The following TRRAP variants were observed in gnomAD, a reference collection of about 807,000 sequenced individuals.
The protein encoded by TRRAP is transformation/transcription domain associated protein, also known as transformation/transcription domain-associated protein.
Under a neutral mutation model 438.8 loss-of-function variants are expected in TRRAP, and 41 were observed. That is an observed-to-expected ratio of 0.09 (90% confidence interval 0.07 to 0.12). The LOEUF is 0.12. Among genes scored for constraint, TRRAP ranks in the 10% least tolerant of loss-of-function variants. The probability of loss-of-function intolerance (pLI) is 1.00; values close to 1 mark genes in which losing one functional copy is unlikely to be tolerated. For missense variants in TRRAP, 3,122 were observed against 5,055.1 expected, an observed-to-expected ratio of 0.62 and a Z score of 11.60; for synonymous variants, 1,994 against 1,962.9, an observed-to-expected ratio of 1.02 and a Z score of -0.42.
At chr7:98,989,754 T>C (rs1003249603) in intron 63 of TRRAP, among the ~76,000 whole-genome samples, 9 of 152,242 alleles carry the variant, frequency 5.9e-5, no homozygotes, top group African/African-American at 1.9e-4. Context: ...GCCTGTGGCC[T>C]ACCTGTTGCC....
intron 62 of TRRAP, among the ~76,000 whole-genome samples, chr7:98,987,498 C>G (rs1793203732): frequency 6.6e-6 from 1 of 152,182 alleles, no homozygotes; most frequent in Non-Finnish European, 1.5e-5. Context: ...TCACATTGCT[C>G]ATTGCTAACA....
At chr7:98,917,994 C>T (rs1789591216) in intron 20 of TRRAP, among the ~76,000 whole-genome samples, 1 of 151,784 alleles carries the variant, frequency 6.6e-6, no homozygotes. Context: ...TGGTGGCCGA[C>T]ACCTGTAATC....
Position 98,881,134 on chromosome 7 carries a change from ACCAG to A in TRRAP, c.-14_-11del. On this transcript the variant is annotated 5_prime_UTR_variant, in exon 2 of 73. Transcript: ENST00000456197. Reference sequence around the variant, plus strand: ...CTGATACTTTTCTCTTGAGAAGCAAACCAGCCCAAAAGAAAAATGGCGTTTGTTG... The same window carrying A: ...CTGATACTTTTCTCTTGAGAAGCAAACCCAAAAGAAAAATGGCGTTTGTTG... The A allele has an allele frequency of 1.3e-6, 2 of 1,599,974 alleles. No individual in the cohort carries two copies. The highest frequency in any genetic ancestry group is 2.7e-5 in the African/African-American group (2 of 74,430).
chr7:98,949,476 C>G lies in TRRAP; in HGVS notation c.4848C>G (p.Asn1616Lys), dbSNP rs1554417651. Residue 1616 changes from asparagine to lysine, a missense_variant, in exon 36 of 73, where the codon AAC becomes AAG. By Grantham distance (94) the Asn-to-Lys change is moderately conservative (BLOSUM62 0). Around this residue, in one of 24 missense-constraint regions of TRRAP, gnomAD observed 272 missense variants for 348.5 expected, o/e 0.78. Transcript: ENST00000456197. ...PLRDVLAANP[N>K]RFITLLLPGG... ...GGGATGTGCTGGCTGCCAACCCCAA[C>G]AGGTTCATCACCCTGCTGCTGCCGG... is the stretch of plus-strand genomic sequence containing the variant. 6.2e-7 allele frequency: 1 copy of G among 1,610,166 alleles called. No individual in the cohort carries two copies. Among genetic ancestry groups the G allele is most frequent in the South Asian group, 1.1e-5 (1 of 90,610 alleles).
Position 99,012,450 on chromosome 7 carries a change from C to T in TRRAP, c.*95C>T. 6 of 1,381,014 alleles carry T rather than the reference C, an allele frequency of 4.3e-6. No homozygotes were observed. Among genetic ancestry groups the T allele is most frequent in the South Asian group, 3.0e-5 (2 of 67,488 alleles). 85.5% of individuals were successfully genotyped at this position (1,381,014 alleles called of 1,614,324 possible). A position where few individuals can be genotyped will look rare whatever the true frequency, so the allele number is the denominator to read the frequency against. On this transcript the variant is annotated 3_prime_UTR_variant, in exon 73 of 73. Transcript: ENST00000456197. The surrounding 1 kb of genome is among the most constrained non-coding windows in gnomAD (Gnocchi z 5.9). ...CTCCCTGCCTCGTTCCTTATATTCACAGAAGCCCCATAGTTTCACTGGGTT... is the reference window on the plus strand; with the variant it reads ...CTCCCTGCCTCGTTCCTTATATTCATAGAAGCCCCATAGTTTCACTGGGTT...
intron 12 of TRRAP, 82 bp downstream of exon 12, chr7:98,903,599 T>C: frequency 1.9e-6 from 3 of 1,572,116 alleles, no homozygotes; most frequent in Non-Finnish European, 2.6e-6. Flanking sequence ...TCCATAGTTG[T>C]GCTGTGAGGT....
Position 98,953,146 on chromosome 7 carries a change from C to T in TRRAP, c.5464-21C>T, listed in dbSNP as rs545530045. On this transcript the variant is annotated intron_variant, in intron 39 of 72. Transcript: ENST00000456197. ...CCCAGTTCACAACTGGAAATGAGTC[C>T]TTCCTGCTGTCCCTGCACAGGTCCT... is the stretch of plus-strand genomic sequence containing the variant. 49 of 1,605,032 alleles carry T rather than the reference C, an allele frequency of 3.1e-5. 1 individual carries two copies. In the South Asian group the frequency reaches 5.2e-4, roughly 17 times the overall value.
In TRRAP at chr7:98,880,260, TTG is replaced by T. The variant is rs782488133; in HGVS notation, c.-61-828_-61-827del. Among the ~76,000 whole-genome samples the T allele has an allele frequency of 2.7e-3, 155 of 57,074 alleles. 1 individual carries two copies. The highest frequency in any genetic ancestry group is 7.0e-3 in the African/African-American group (137 of 19,472). The allele number at this position is 57,074 out of a possible 152,430, so 37.4% of individuals were successfully genotyped here. A position where few individuals can be genotyped will look rare whatever the true frequency, so the allele number is the denominator to read the frequency against. ...TGCTGCCTGCGTTTTGTTGTTGTTG[TTG>T]TTTTTTTTTTTTTTTTTCCGAGACT... On this transcript the variant is annotated intron_variant, in intron 1 of 72. Coordinates refer to ENST00000456197, the MANE Select transcript of TRRAP (RefSeq NM_001375524.1).
chr7:98,982,630 C>A (rs557424646), intron 59 of TRRAP, among the ~76,000 whole-genome samples: 2 of 152,252 alleles, frequency 1.3e-5, no homozygotes, highest in East Asian at 3.9e-4. Context: ...AAGCCAAGGA[C>A]AGAATTTGGA....
At chr7:98,931,383 C>G (rs1194485396) in intron 25 of TRRAP, 22 bp from the exon 26 acceptor site, 1 of 1,609,584 alleles carries the variant, frequency 6.2e-7, no homozygotes, top group Admixed American at 1.7e-5. Context: ...TGCTTTCATT[C>G]TAAGACATCC....
intron 18 of TRRAP, 125 bp from the exon 19 acceptor site, chr7:98,915,598 C>T: frequency 3.3e-6 from 4 of 1,203,646 alleles, no homozygotes; most frequent in Non-Finnish European, 3.4e-6. Context: ...TGGTTTTTTC[C>T]CTTTGGAGTA....
At chr7:99,007,773 C>T (rs570212190) in intron 69 of TRRAP, among the ~76,000 whole-genome samples, 9 of 152,110 alleles carry the variant, frequency 5.9e-5, no homozygotes, top group East Asian at 1.9e-4. Context: ...CTCAGCCTCC[C>T]GAGTAGCTGG....
In TRRAP at chr7:98,892,369, T is replaced by C. The variant is rs144414148; in HGVS notation, c.262-55T>C. ...CACTTGCAGAGTGTGAGATAATTAA[T>C]TTGGAACCCTTGGAAGTATTTTTAT... is the stretch of plus-strand genomic sequence containing the variant. On this transcript the variant is annotated intron_variant, in intron 4 of 72. Transcript: ENST00000456197. 377 of 1,435,010 alleles carry C rather than the reference T, an allele frequency of 2.6e-4. No homozygotes were observed. In the African/African-American group the frequency reaches 4.1e-3, roughly 16 times the overall value. 88.9% of individuals were successfully genotyped at this position (1,435,010 alleles called of 1,614,324 possible). A position where few individuals can be genotyped will look rare whatever the true frequency, so the allele number is the denominator to read the frequency against.
At chr7:98,989,111 A>T in intron 63 of TRRAP, 145 bp downstream of exon 63, 1 of 907,910 alleles carries the variant, frequency 1.1e-6, no homozygotes, top group Non-Finnish European at 1.6e-6. Context: ...TGTTCGAAGT[A>T]TCTTTCACAG....
At chr7:98,984,430 G>A in intron 61 of TRRAP, 72 bp downstream of exon 61, 2 of 1,471,804 alleles carry the variant, frequency 1.4e-6, no homozygotes, top group Non-Finnish European at 1.8e-6. Flanking sequence ...GCAATGTGGG[G>A]TCTCCTGGTT....
chr7:99,001,069 G>A (rs1793898471), intron 67 of TRRAP, among the ~76,000 whole-genome samples: 1 of 152,224 alleles, frequency 6.6e-6, no homozygotes, highest in Non-Finnish European at 1.5e-5. Flanking sequence ...TTAATATTAA[G>A]TCACATAAAA....
chr7:98,880,116 C>G (rs533964432), intron 1 of TRRAP, among the ~76,000 whole-genome samples: 1 of 152,134 alleles, frequency 6.6e-6, no homozygotes. Context: ...GTGCCCGTCA[C>G]GTAACCACAG....
At chr7:98,989,057 G>A in intron 63 of TRRAP, 91 bp downstream of exon 63, 1 of 1,337,090 alleles carries the variant, frequency 7.5e-7, no homozygotes, top group African/African-American at 1.4e-5. Flanking sequence ...ATCCGTGCCG[G>A]GTGTGAGGCA....
chr7:98,881,989 T>C lies in TRRAP; in HGVS notation c.115T>C (p.Leu39=), dbSNP rs782608119. 1 of 1,611,866 alleles carries C rather than the reference T, an allele frequency of 6.2e-7. No homozygotes were observed. Among genetic ancestry groups the C allele is most frequent in the South Asian group, 1.1e-5 (1 of 90,188 alleles). ...TDVNTPDETK[L]KMMQEVSENF... ...GCCGTTCACAGCTGATGAAACAAAG[T>C]TGAAAATGATGCAAGAAGTTAGTGA... Residue 39 remains leucine, a synonymous_variant, in exon 3 of 73, where the codon TTG becomes CTG. Transcript: ENST00000456197.
Sources: allele counts gnomAD v4.1 joint callset (sites outside exome capture counted in the v4.1 genomes callset), GRCh38; gene constraint gnomAD v4.1.1; regional missense constraint gnomAD v4.1.1; non-coding constraint Gnocchi (gnomAD v3.1); transcripts MANE v1.5; gene names NCBI Gene and HGNC (gene_info 2026-07-23, HGNC 2026-07-21).